The following KSR1 variants were observed in gnomAD, a reference collection of about 807,000 sequenced individuals.
The protein encoded by KSR1 is kinase suppressor of ras 1.
Under a neutral mutation model 92.9 loss-of-function variants are expected in KSR1, and 35 were observed. The observed-to-expected ratio is 0.38, with a 90% CI of 0.29 to 0.50. The LOEUF (loss-of-function observed/expected upper bound fraction) is 0.50. KSR1 is among the 20% of genes least tolerant of loss of function. The pLI, the probability that KSR1 is intolerant of heterozygous loss-of-function variation, is 0.94. For missense variants in KSR1, 972 were observed against 1,158.5 expected, an observed-to-expected ratio of 0.84 and a Z score of 2.34; for synonymous variants, 467 against 472.6, an observed-to-expected ratio of 0.99 and a Z score of 0.15.
intron 1 of KSR1, among the ~76,000 whole-genome samples, chr17:27,544,209 G>A (rs1285519877): frequency 6.6e-6 from 1 of 152,210 alleles, no homozygotes; most frequent in Non-Finnish European, 1.5e-5. Context: ...CCAAGGGAGT[G>A]GTGTCAAGGG....
rs574693054 is a variant in KSR1, at chr17:27,456,503, A to T, written c.-141A>T. On this transcript the variant is annotated 5_prime_UTR_variant, in exon 1 of 21. Coordinates refer to ENST00000644974, the MANE Select transcript of KSR1 (RefSeq NM_001394583.1). ...CTGGGAGGGTGGAAGCGGCAGACTC[A>T]GCGGCCGGCTCTACCGGCGTCCCGG... The T allele has an allele frequency of 1.3e-3, 509 of 397,856 alleles. 4 individuals are homozygous for T. Among genetic ancestry groups the T allele is most frequent in the Middle Eastern group, 0.011 (17 of 1,538 alleles). 24.6% of individuals were successfully genotyped at this position (397,856 alleles called of 1,614,324 possible). A position where few individuals can be genotyped will look rare whatever the true frequency, so the allele number is the denominator to read the frequency against.
chr17:27,586,355 T>G (rs538056835), intron 5 of KSR1, among the ~76,000 whole-genome samples: 1 of 152,310 alleles, frequency 6.6e-6, no homozygotes, highest in East Asian at 1.9e-4. Flanking sequence ...AGATGTCTGG[T>G]TTTTGCCTGA....
intron 2 of KSR1, among the ~76,000 whole-genome samples, chr17:27,563,628 C>A (rs1249467363): frequency 6.6e-6 from 1 of 152,214 alleles, no homozygotes; most frequent in Admixed American, 6.5e-5. Context: ...CTTCACCTAC[C>A]TTTGAGGCCC....
At chr17:27,594,762 A>T (rs1202645029) in intron 9 of KSR1, among the ~76,000 whole-genome samples, 1 of 146,044 alleles carries the variant, frequency 6.8e-6, no homozygotes, top group Non-Finnish European at 1.5e-5. Context: ...CCCACCCCAC[A>T]TTCCCCTTCA....
intron 9 of KSR1, among the ~76,000 whole-genome samples, chr17:27,596,811 T>G (rs1026715304): frequency 5.9e-5 from 9 of 152,328 alleles, no homozygotes; most frequent in African/African-American, 1.9e-4. Context: ...CTTAATTCAT[T>G]ATAAAATGCT....
At chr17:27,522,173 A>G (rs2151022659) in intron 1 of KSR1, among the ~76,000 whole-genome samples, 1 of 152,214 alleles carries the variant, frequency 6.6e-6, no homozygotes, top group Middle Eastern at 3.4e-3. Context: ...TGTCTCTCTG[A>G]GCCCCTGGGT....
chr17:27,600,673 T>C (rs1761307336), intron 10 of KSR1, among the ~76,000 whole-genome samples: 1 of 152,116 alleles, frequency 6.6e-6, no homozygotes, highest in Non-Finnish European at 1.5e-5. Context: ...AGCTACCACA[T>C]CACTAGGCAA....
intron 1 of KSR1, among the ~76,000 whole-genome samples, chr17:27,504,425 G>A (rs961820559): frequency 1.1e-4 from 17 of 152,196 alleles, no homozygotes; most frequent in African/African-American, 3.9e-4. Context: ...ATATGGGGGG[G>A]AGAAGGCAGA....
At chr17:27,570,909 A>C (rs1353854433) in intron 2 of KSR1, among the ~76,000 whole-genome samples, 1 of 152,212 alleles carries the variant, frequency 6.6e-6, no homozygotes, top group African/African-American at 2.4e-5. Context: ...ATTCATTTTT[A>C]AAGTCCCTGG....
chr17:27,586,420 A>G (rs1187779334), intron 5 of KSR1, among the ~76,000 whole-genome samples: 1 of 152,206 alleles, frequency 6.6e-6, no homozygotes, highest in Non-Finnish European at 1.5e-5. Flanking sequence ...AGAGTCACGT[A>G]GCTGTGGGCG....
At chr17:27,555,712 A>G (rs766601837) in intron 2 of KSR1, among the ~76,000 whole-genome samples, 10 of 152,186 alleles carry the variant, frequency 6.6e-5, no homozygotes, top group Non-Finnish European at 1.2e-4. Context: ...CTGTGGTGAA[A>G]TACGTATAAC....
chr17:27,530,562 G>A (rs547508905), intron 1 of KSR1, among the ~76,000 whole-genome samples: 1 of 152,274 alleles, frequency 6.6e-6, no homozygotes, highest in South Asian at 2.1e-4. Flanking sequence ...CGTCTACCGT[G>A]GGCTCCTGGA....
At chr17:27,622,949 A>G (rs941236842) in intron 20 of KSR1, 1 of 279,710 alleles carries the variant, frequency 3.6e-6, no homozygotes, top group African/African-American at 2.3e-5. Flanking sequence ...ATGCCCTGTC[A>G]CTCCTGGTAT....
rs375251573 is a variant in KSR1 at position 27,582,631 on chromosome 17, C to A, written c.521-15C>A. ...CCAGCCCTGACCATCTGTGACTCCA[C>A]GTCTTGGTCCACAGGAGGGGAGCAC... On this transcript the variant is annotated splice_polypyrimidine_tract_variant and intron_variant, in intron 3 of 20. Transcript: ENST00000644974. 9 of 1,592,476 alleles carry A rather than the reference C, an allele frequency of 5.7e-6. No homozygotes were observed. The highest frequency in any genetic ancestry group is 6.0e-6 in the Non-Finnish European group (7 of 1,166,680).
At chr17:27,487,810 C>G (rs1316064863) in intron 1 of KSR1, among the ~76,000 whole-genome samples, 1 of 152,112 alleles carries the variant, frequency 6.6e-6, no homozygotes, top group Non-Finnish European at 1.5e-5. Flanking sequence ...TGTGTCTAGA[C>G]AGAGACCGAG....
intron 15 of KSR1, among the ~76,000 whole-genome samples, chr17:27,608,292 C>T (rs1043242043): frequency 4.6e-4 from 70 of 152,334 alleles, no homozygotes; most frequent in African/African-American, 1.6e-3. Flanking sequence ...TGGTCACACC[C>T]TTTGTGTGAC....
intron 1 of KSR1, among the ~76,000 whole-genome samples, chr17:27,463,627 A>AG (rs943118941): frequency 4.6e-5 from 7 of 152,048 alleles, no homozygotes; most frequent in African/African-American, 1.2e-4. Context: ...CCTGCAGCAA[A>AG]GGGGGGCCCC....
At chr17:27,508,709 T>TTTTTTTTTTTTA in intron 1 of KSR1, among the ~76,000 whole-genome samples, 1 of 138,330 alleles carries the variant, frequency 7.2e-6, no homozygotes, top group South Asian at 2.4e-4. Flanking sequence ...CCTGAATTTT[T>TTTTTTTTTTTTA]TTTATTTATT....
chr17:27,554,864 G>A (rs529505578), intron 2 of KSR1, among the ~76,000 whole-genome samples: 271 of 152,216 alleles, frequency 1.8e-3, no homozygotes, highest in Middle Eastern at 0.014. Flanking sequence ...TTTTATTTCG[G>A]AATAATTTTA....
Sources: allele counts gnomAD v4.1 joint callset (sites outside exome capture counted in the v4.1 genomes callset), GRCh38; gene constraint gnomAD v4.1.1; transcripts MANE v1.5; gene names NCBI Gene and HGNC (gene_info 2026-07-23, HGNC 2026-07-21).